The following MKLN1 variants were observed in gnomAD, a reference collection of about 807,000 sequenced individuals.
MKLN1 encodes muskelin 1, also known as muskelin.
A neutral mutation model predicts 99.0 loss-of-function variants in MKLN1; 18 were observed. The ratio of observed to expected loss-of-function variants is 0.18; its 90% CI spans 0.13 to 0.27. The LOEUF (loss-of-function observed/expected upper bound fraction) is 0.27. Among genes scored for constraint, MKLN1 ranks in the 10% least tolerant of loss-of-function variants. The probability of loss-of-function intolerance (pLI) is 1.00; values close to 1 mark genes in which losing one functional copy is unlikely to be tolerated. For synonymous variants in MKLN1, 288 were observed against 293.2 expected, an observed-to-expected ratio of 0.98 and a Z score of 0.18; for missense variants, 621 against 875.9, an observed-to-expected ratio of 0.71 and a Z score of 3.67.
chr7:131,229,365 C>T (rs1159566409), intron 3 of MKLN1, among the ~76,000 whole-genome samples: 1 of 151,916 alleles, frequency 6.6e-6, no homozygotes, highest in Non-Finnish European at 1.5e-5. Context: ...CCCACCCCCA[C>T]ACCCGATTGG....
intron 3 of MKLN1, among the ~76,000 whole-genome samples, chr7:131,268,713 G>A (rs979195783): frequency 3.9e-5 from 6 of 152,144 alleles, no homozygotes; most frequent in Non-Finnish European, 8.8e-5. Context: ...TACATGTTGA[G>A]AGAGGCTAGG....
chr7:131,387,468 T>C (rs1440246717), intron 3 of MKLN1, among the ~76,000 whole-genome samples: 1 of 152,200 alleles, frequency 6.6e-6, no homozygotes, highest in Non-Finnish European at 1.5e-5. Context: ...CCCTAGTTAA[T>C]ATTTTTACCA....
intron 2 of MKLN1, among the ~76,000 whole-genome samples, chr7:131,380,436 C>G (rs1016116727): frequency 6.6e-6 from 1 of 151,508 alleles, no homozygotes; most frequent in African/African-American, 2.4e-5. Flanking sequence ...TAAAAAATAC[C>G]AACAAAAAAT....
At chr7:131,291,895 A>AGTCTGGGCCACATAGT (rs1337714007) in intron 3 of MKLN1, among the ~76,000 whole-genome samples, 1 of 152,176 alleles carries the variant, frequency 6.6e-6, no homozygotes, top group Non-Finnish European at 1.5e-5. Context: ...TCTTGAGACC[A>AGTCTGGGCCACATAGT]GGAGTTCGAG....
At chr7:131,365,591 C>G (rs181222360) in intron 1 of MKLN1, among the ~76,000 whole-genome samples, 43 of 152,180 alleles carry the variant, frequency 2.8e-4, no homozygotes, top group African/African-American at 9.4e-4. Flanking sequence ...ACATTTAAGT[C>G]TTTAATCTAT....
chr7:131,164,533 C>T (rs1248947465), intron 2 of MKLN1, among the ~76,000 whole-genome samples: 3 of 152,158 alleles, frequency 2.0e-5, no homozygotes, highest in South Asian at 2.1e-4. Context: ...GAAGCTAAAA[C>T]GTTTCTAGAC....
At chr7:131,275,567 A>ATTTTTTT (rs869119196) in intron 3 of MKLN1, among the ~76,000 whole-genome samples, 5 of 5,618 alleles carry the variant, frequency 8.9e-4, no homozygotes, top group Admixed American at 5.5e-3. Context: ...ATATATATAT[A>ATTTTTTT]TTTTTTTTTT....
intron 1 of MKLN1, among the ~76,000 whole-genome samples, chr7:131,138,710 AT>A (rs1043714670): frequency 5.9e-5 from 9 of 151,980 alleles, no homozygotes; most frequent in Middle Eastern, 3.2e-3. Context: ...GAAAAAAAAA[AT>A]TCTTCAGCTG....
intron 2 of MKLN1, among the ~76,000 whole-genome samples, chr7:131,174,330 AAT>A (rs1796262223): frequency 6.6e-6 from 1 of 152,094 alleles, no homozygotes; most frequent in Non-Finnish European, 1.5e-5. Flanking sequence ...TTCATTCCAC[AAT>A]ATGTGTCTTT....
At chr7:131,125,862 C>A (rs914191668) in intron 1 of MKLN1, among the ~76,000 whole-genome samples, 1 of 151,678 alleles carries the variant, frequency 6.6e-6, no homozygotes, top group African/African-American at 2.4e-5. Flanking sequence ...AAAAATTAGC[C>A]GGGCGTGGTG....
intron 1 of MKLN1, among the ~76,000 whole-genome samples, chr7:131,336,936 T>G (rs1028859026): frequency 1.3e-5 from 2 of 152,230 alleles, no homozygotes; most frequent in African/African-American, 4.8e-5. Context: ...CAGTTTTTGC[T>G]TGTTTGAAAT....
At chr7:131,417,338 A>G (rs1795049146) in intron 8 of MKLN1, among the ~76,000 whole-genome samples, 1 of 152,206 alleles carries the variant, frequency 6.6e-6, no homozygotes, top group African/African-American at 2.4e-5. Flanking sequence ...TTTTGTACCT[A>G]TTTGGAGTGC....
At chr7:131,235,596 A>C (rs769016724) in intron 3 of MKLN1, among the ~76,000 whole-genome samples, 4 of 152,142 alleles carry the variant, frequency 2.6e-5, no homozygotes, top group Non-Finnish European at 4.4e-5. Context: ...CATTCCGGAA[A>C]GGAAAAGGAA....
intron 2 of MKLN1, among the ~76,000 whole-genome samples, chr7:131,159,739 C>T (rs569699070): frequency 3.4e-4 from 51 of 152,164 alleles, no homozygotes; most frequent in African/African-American, 1.2e-3. Flanking sequence ...TGTACCCCAA[C>T]AATATGTACG....
chr7:131,220,426 G>A (rs190361822), intron 3 of MKLN1, among the ~76,000 whole-genome samples: 28 of 138,088 alleles, frequency 2.0e-4, no homozygotes, highest in East Asian at 1.1e-3. Flanking sequence ...ACATGTAACC[G>A]TAATAGGTTC....
At chr7:131,476,431 T>A (rs1796969645) in intron 16 of MKLN1, among the ~76,000 whole-genome samples, 1 of 151,998 alleles carries the variant, frequency 6.6e-6, no homozygotes, top group Non-Finnish European at 1.5e-5. Context: ...CTAGGACAAG[T>A]GAATTTAGCA....
At chr7:131,301,702 A>G (rs1357022772) in intron 3 of MKLN1, among the ~76,000 whole-genome samples, 1 of 151,972 alleles carries the variant, frequency 6.6e-6, no homozygotes, top group Non-Finnish European at 1.5e-5. Flanking sequence ...CTGCTCTCCA[A>G]ACTTCCAGAA....
At chr7:131,300,571 C>A (rs1798362038) in intron 3 of MKLN1, among the ~76,000 whole-genome samples, 2 of 150,914 alleles carry the variant, frequency 1.3e-5, no homozygotes, top group Non-Finnish European at 2.9e-5. Flanking sequence ...GTAATAATCC[C>A]AGCTACTCCA....
At chr7:131,399,549 C>T in intron 6 of MKLN1, 116 bp downstream of exon 6, 3 of 835,248 alleles carry the variant, frequency 3.6e-6, no homozygotes, top group Non-Finnish European at 5.6e-6. Flanking sequence ...TGGTTTTTTA[C>T]TCGGTTAAAG....
Sources: gnomAD v4.1 joint callset for allele counts (sites outside exome capture counted in the v4.1 genomes callset) on GRCh38, gnomAD v4.1.1 for gene constraint, MANE v1.5 for transcripts, NCBI Gene and HGNC (gene_info 2026-07-23, HGNC 2026-07-21) for gene names.